The following BEAN1 variants were observed in gnomAD, a reference collection of about 807,000 sequenced individuals.
BEAN1 encodes brain expressed associated with NEDD4 1, also known as protein BEAN1.
In BEAN1, 17 loss-of-function variants were observed where a neutral mutation model predicts 17.7. The ratio of observed to expected loss-of-function variants is 0.96; its 90% confidence interval spans 0.66 to 1.44. The LOEUF (loss-of-function observed/expected upper bound fraction) is 1.44. Ranked by LOEUF, BEAN1 falls within the 40% of genes most tolerant of loss-of-function variation. The pLI, the probability that BEAN1 is intolerant of heterozygous loss-of-function variation, is 0.00. For synonymous variants in BEAN1, 142 were observed against 151.8 expected (o/e 0.94, Z 0.47); for missense variants, 359 against 374.1 (o/e 0.96, Z 0.33).
rs1963476111 is a variant in BEAN1 at position 66,471,381 on chromosome 16, G to C, written c.289+1516G>C. ...CCTAGTGAGATGATAACTCACTTGA[G>C]CCCAGGCAGCCTGACCTGGCACCCA... On this transcript the variant is annotated intron_variant, in intron 3 of 4. Coordinates refer to ENST00000536005, the MANE Select transcript of BEAN1 (RefSeq NM_001178020.3). The surrounding 1 kb of genome is among the most constrained non-coding windows in gnomAD (Gnocchi z 4.7). 6.6e-6 allele frequency among the ~76,000 whole-genome samples: 1 copy of C among 152,196 alleles called. No individual in the cohort carries two copies. Among genetic ancestry groups the C allele is most frequent in the South Asian group, 2.1e-4 (1 of 4,832 alleles).
chr16:66,438,213 G>A (rs551518359), intron 2 of BEAN1, among the ~76,000 whole-genome samples: 7 of 152,022 alleles, frequency 4.6e-5, no homozygotes, highest in East Asian at 3.9e-4. Flanking sequence ...GTGAAACCCC[G>A]TCTCTACTAA....
chr16:66,482,822 G>T lies in BEAN1; in HGVS notation c.*1897G>T, dbSNP rs147846850. On this transcript the variant is annotated 3_prime_UTR_variant, in exon 5 of 5. Transcript: ENST00000536005. ...TAATATCAATAAAATGTAGCAAGAA[G>T]TAACACTTTCAGAGAGTGCATAAGG... 3 of 449,202 alleles carry T rather than the reference G, an allele frequency of 6.7e-6. No homozygotes were observed. The Admixed American group carries it at 7.4e-5, about 11-fold the overall frequency. 27.8% of individuals were successfully genotyped at this position (449,202 alleles called of 1,614,324 possible). A position where few individuals can be genotyped will look rare whatever the true frequency, so the allele number is the denominator to read the frequency against.
Position 66,445,202 on chromosome 16 carries a change from C to T in BEAN1, c.25+7501C>T, listed in dbSNP as rs1051111396. 4.6e-5 allele frequency among the ~76,000 whole-genome samples: 7 copies of T among 152,046 alleles called. 1 individual carries two copies. The Middle Eastern group carries it at 0.01, about 222-fold the overall frequency. On this transcript the variant is annotated intron_variant, in intron 2 of 4. Transcript: ENST00000536005. Reference sequence around the variant, plus strand: ...AAAAAAGCACAGTGAGGTGGCCGGGCGTGGTGGCTCACACCTGTAATCCCA... The same window carrying T: ...AAAAAAGCACAGTGAGGTGGCCGGGTGTGGTGGCTCACACCTGTAATCCCA...
chr16:66,462,395 G>C (rs1046290036), intron 2 of BEAN1, among the ~76,000 whole-genome samples: 4 of 152,242 alleles, frequency 2.6e-5, no homozygotes, highest in Non-Finnish European at 5.9e-5. Context: ...TGAAGAGACA[G>C]ACACAGAGCC....
intron 3 of BEAN1, among the ~76,000 whole-genome samples, chr16:66,470,897 AG>A (rs1963459655): frequency 6.6e-6 from 1 of 152,226 alleles, no homozygotes; most frequent in South Asian, 2.1e-4. Flanking sequence ...ACAGGCCTTC[AG>A]GGGCCTCTGC....
At chr16:66,476,262 A>C (rs1963743026) in intron 3 of BEAN1, 1 of 152,120 alleles carries the variant, frequency 6.6e-6, no homozygotes, top group Admixed American at 6.5e-5. Flanking sequence ...TTGGAATTGT[A>C]CCTGCAGATA....
chr16:66,446,565 G>A (rs905044099), intron 2 of BEAN1, among the ~76,000 whole-genome samples: 8 of 152,110 alleles, frequency 5.3e-5, no homozygotes, highest in African/African-American at 7.2e-5. Context: ...AGCTGGGGAT[G>A]TAAATTTGAG....
intron 4 of BEAN1, among the ~76,000 whole-genome samples, chr16:66,478,797 C>T (rs1172830166): frequency 6.6e-6 from 1 of 152,072 alleles, no homozygotes. Flanking sequence ...GATGGGCTGA[C>T]ACAGGAAATC....
At chr16:66,441,548 C>T (rs1962257267) in intron 2 of BEAN1, among the ~76,000 whole-genome samples, 1 of 152,180 alleles carries the variant, frequency 6.6e-6, no homozygotes, top group African/African-American at 2.4e-5. Flanking sequence ...GGAGCCCCAC[C>T]CTGTTCCCAT....
At chr16:66,483,886 AC>A (rs1392945188), downstream of BEAN1, 2 of 152,992 alleles carry the variant, frequency 1.3e-5, no homozygotes, top group African/African-American at 4.8e-5. Context: ...TATCACCCCC[AC>A]CCTGAGCCCA....
chr16:66,493,602 C>A, downstream of BEAN1: 2 of 543,254 alleles, frequency 3.7e-6, no homozygotes, highest in Non-Finnish European at 6.5e-6. Flanking sequence ...CCTGGCCCTT[C>A]ATCGGGTGAG....
In BEAN1 at chr16:66,471,518, G is replaced by A. The variant is rs912534565; in HGVS notation, c.289+1653G>A. On this transcript the variant is annotated intron_variant, in intron 3 of 4. Coordinates refer to ENST00000536005, the MANE Select transcript of BEAN1 (RefSeq NM_001178020.3). This position sits in a 1 kb window ranked among gnomAD's most constrained non-coding sequence, Gnocchi z 4.7. ...GCAGTGTCCGGCAGACACGTACATG[G>A]CCACAGTGGGTGTCACTCAGACCTG... 2.6e-5 allele frequency among the ~76,000 whole-genome samples: 4 copies of A among 152,226 alleles called. No homozygotes were observed. The highest frequency in any genetic ancestry group is 5.9e-5 in the Non-Finnish European group (4 of 68,022).
chr16:66,434,211 G>A lies in BEAN1; in HGVS notation c.-82-3384G>A, dbSNP rs1205913354. On this transcript the variant is annotated intron_variant, in intron 1 of 4. Transcript: ENST00000536005. This position sits in a 1 kb window ranked among gnomAD's most constrained non-coding sequence, Gnocchi z 4.3. ...TAGCAGCTGGGGTGGGCCTGCCCCC[G>A]ACCCCGACCCCAACCCCGACCCCGA... 2.3e-5 allele frequency among the ~76,000 whole-genome samples: 3 copies of A among 128,600 alleles called. No homozygotes were observed. The highest frequency in any genetic ancestry group is 5.8e-5 in the African/African-American group (2 of 34,542). 84.4% of individuals were successfully genotyped at this position (128,600 alleles called of 152,430 possible). A position where few individuals can be genotyped will look rare whatever the true frequency, so the allele number is the denominator to read the frequency against.
chr16:66,457,223 A>G (rs928601827), intron 2 of BEAN1, among the ~76,000 whole-genome samples: 7 of 152,154 alleles, frequency 4.6e-5, no homozygotes, highest in African/African-American at 1.7e-4. Context: ...GGATGGATGA[A>G]TGACGGATGG....
intron 2 of BEAN1, among the ~76,000 whole-genome samples, chr16:66,447,329 G>A (rs926737004): frequency 1.6e-4 from 24 of 152,286 alleles, no homozygotes; most frequent in Middle Eastern, 3.4e-3. Flanking sequence ...TTTGAAAACC[G>A]CTGGAGCAAA....
chr16:66,484,079 A>G (rs1234202572), downstream of BEAN1: 1 of 179,294 alleles, frequency 5.6e-6, no homozygotes, highest in Non-Finnish European at 1.2e-5. The surrounding 1 kb of genome is among the most constrained non-coding windows in gnomAD (Gnocchi z 4.2). Context: ...TATGAGGTTG[A>G]ACCCATTCAA....
chr16:66,490,421 A>AAATAAAATAAAATAAAATAAAAT (rs1567514423), intron 4 of BEAN1, among the ~76,000 whole-genome samples: 1 of 132,618 alleles, frequency 7.5e-6, no homozygotes, highest in Non-Finnish European at 1.6e-5. Context: ...AAATAAAATA[A>AAATAAAATAAAATAAAATAAAAT]AATAAAATAA....
At chr16:66,440,073 C>G (rs1962190581) in intron 2 of BEAN1, among the ~76,000 whole-genome samples, 1 of 151,594 alleles carries the variant, frequency 6.6e-6, no homozygotes, top group Admixed American at 6.6e-5. Context: ...GAAGTTAAAA[C>G]CATTCCATGG....
chr16:66,453,956 A>T (rs1265544867), intron 2 of BEAN1, among the ~76,000 whole-genome samples: 1 of 151,890 alleles, frequency 6.6e-6, no homozygotes, highest in Non-Finnish European at 1.5e-5. Flanking sequence ...GTGGTCTCAA[A>T]CTCCTGACCT....
Sources: gnomAD v4.1 joint callset for allele counts (sites outside exome capture counted in the v4.1 genomes callset) on GRCh38, gnomAD v4.1.1 for gene constraint, Gnocchi (gnomAD v3.1) non-coding constraint, MANE v1.5 for transcripts, NCBI Gene and HGNC (gene_info 2026-07-23, HGNC 2026-07-21) for gene names.